ARHGAP26: variants seen among roughly 807,000 people sequenced by gnomAD.
ARHGAP26 encodes the protein rho GTPase-activating protein 26.
In ARHGAP26, 38 loss-of-function variants were observed where a neutral mutation model predicts 104.8. That is an observed-to-expected ratio of 0.36 (90% CI 0.28 to 0.48). The LOEUF is 0.48. ARHGAP26 is among the 20% of genes least tolerant of loss of function. The pLI, the probability that ARHGAP26 is intolerant of heterozygous loss-of-function variation, is 0.99. For synonymous variants in ARHGAP26, 341 were observed against 340.0 expected (o/e 1.00, Z -0.03); for missense variants, 704 against 947.9 (o/e 0.74, Z 3.38).
At chr5:142,819,430 CCTT>C (rs1171096433) in intron 1 of ARHGAP26, among the ~76,000 whole-genome samples, 1 of 152,142 alleles carries the variant, frequency 6.6e-6, no homozygotes, top group Non-Finnish European at 1.5e-5. Context: ...AATTTTCTGG[CCTT>C]CTGGCAGGAG....
chr5:143,097,648 G>A lies in ARHGAP26; in HGVS notation c.1539-23340G>A, dbSNP rs188474393. Among the ~76,000 whole-genome samples, 268 of 151,856 alleles carry A rather than the reference G, an allele frequency of 1.8e-3. 1 individual carries two copies. The highest frequency in any genetic ancestry group is 6.4e-3 in the African/African-American group (264 of 41,430). ...ACCCTGGCTAACACGGTGAAACCCC[G>A]TCTCTACTAAAAATACAAAAAAAAT... is the stretch of plus-strand genomic sequence containing the variant. On this transcript the variant is annotated intron_variant, in intron 17 of 22. Transcript: ENST00000645722.
intron 20 of ARHGAP26, among the ~76,000 whole-genome samples, chr5:143,172,524 G>GAATCTCT (rs1802923312): frequency 1.3e-5 from 2 of 152,176 alleles, no homozygotes; most frequent in Admixed American, 6.5e-5. Context: ...TTTGTCATGT[G>GAATCTCT]AATCTCTATA....
intron 20 of ARHGAP26, among the ~76,000 whole-genome samples, chr5:143,151,394 C>T (rs1256628158): frequency 6.6e-6 from 1 of 152,172 alleles, no homozygotes; most frequent in East Asian, 1.9e-4. Context: ...ATATTCTAAG[C>T]ATACAATCCA....
rs1463880108 is a variant in ARHGAP26, at chr5:142,777,809, A to T, written c.154+6894A>T. Among the ~76,000 whole-genome samples, 4 of 152,312 alleles carry T rather than the reference A, an allele frequency of 2.6e-5. No homozygotes were observed. In the East Asian group the frequency reaches 5.8e-4, roughly 22 times the overall value. ...TGTGACTGTAGCAGAGTGAAGGCGA[A>T]TGCACAAAGAGATAGGCCAGGGCAA... On this transcript the variant is annotated intron_variant, in intron 1 of 22. Coordinates refer to ENST00000645722, the MANE Select transcript of ARHGAP26 (RefSeq NM_001135608.3).
At chr5:143,218,476 T>C (rs1010511036) in intron 22 of ARHGAP26, among the ~76,000 whole-genome samples, 4 of 152,216 alleles carry the variant, frequency 2.6e-5, no homozygotes, top group African/African-American at 9.6e-5. Context: ...TGCACCTCTT[T>C]TAGTTAAGAC....
chr5:143,210,431 T>C (rs1033743655), intron 21 of ARHGAP26, among the ~76,000 whole-genome samples: 6 of 152,108 alleles, frequency 3.9e-5, no homozygotes, highest in African/African-American at 1.4e-4. Context: ...GAGATTCAGG[T>C]GGGGACACAG....
chr5:142,814,049 G>A (rs991985048), intron 1 of ARHGAP26, among the ~76,000 whole-genome samples: 3 of 152,238 alleles, frequency 2.0e-5, no homozygotes, highest in Admixed American at 2.0e-4. Context: ...CCTCAGGAGG[G>A]TTGGCCAGGC....
At chr5:143,112,200 G>A (rs1794863386) in intron 17 of ARHGAP26, among the ~76,000 whole-genome samples, 1 of 152,164 alleles carries the variant, frequency 6.6e-6, no homozygotes, top group African/African-American at 2.4e-5. Flanking sequence ...TTATAGTAAG[G>A]GACCTGACCT....
At chr5:142,820,499 C>T (rs1205455588) in intron 1 of ARHGAP26, among the ~76,000 whole-genome samples, 3 of 152,044 alleles carry the variant, frequency 2.0e-5, no homozygotes, top group Admixed American at 1.3e-4. Context: ...CATTGCCATC[C>T]TGGAGCTGAA....
At chr5:142,778,123 C>G (rs1475473838) in intron 1 of ARHGAP26, among the ~76,000 whole-genome samples, 1 of 152,186 alleles carries the variant, frequency 6.6e-6, no homozygotes, top group Admixed American at 6.5e-5. Flanking sequence ...ATTTGCTGCA[C>G]AGCATATGGG....
intron 17 of ARHGAP26, among the ~76,000 whole-genome samples, chr5:143,097,636 C>T (rs549063132): frequency 3.6e-4 from 55 of 151,628 alleles, no homozygotes; most frequent in Admixed American, 1.9e-3. Flanking sequence ...CTGGCTAACA[C>T]GGTGAAACCC....
intron 17 of ARHGAP26, among the ~76,000 whole-genome samples, chr5:143,074,927 G>T (rs992155694): frequency 1.3e-5 from 2 of 152,220 alleles, no homozygotes; most frequent in Non-Finnish European, 2.9e-5. Flanking sequence ...GGTAGCATGG[G>T]CCTGTCCACA....
At chr5:143,166,907 G>A (rs954565557) in intron 20 of ARHGAP26, among the ~76,000 whole-genome samples, 1 of 152,184 alleles carries the variant, frequency 6.6e-6, no homozygotes, top group Non-Finnish European at 1.5e-5. Context: ...ACCACAAAAG[G>A]TGGTTACATT....
intron 1 of ARHGAP26, among the ~76,000 whole-genome samples, chr5:142,794,161 A>G (rs938385440): frequency 6.6e-6 from 1 of 152,160 alleles, no homozygotes; most frequent in African/African-American, 2.4e-5. Flanking sequence ...CTTTTCCTTC[A>G]CATTGGTGGG....
intron 5 of ARHGAP26, among the ~76,000 whole-genome samples, chr5:142,891,522 T>C (rs1315444401): frequency 6.6e-6 from 1 of 151,996 alleles, no homozygotes; most frequent in East Asian, 1.9e-4. Flanking sequence ...CTAATGTCTG[T>C]TTTCTTTACT....
chr5:143,226,115 A>T lies in ARHGAP26; in HGVS notation c.*3669A>T, dbSNP rs1811638298. ...TAAGACCCAGGGATCACTTAGCCAT[A>T]GCCTGAATCTTTTAGGGGTATTAAG... On this transcript the variant is annotated 3_prime_UTR_variant, in exon 23 of 23. Transcript: ENST00000645722. 5.0e-6 allele frequency: 1 copy of T among 201,288 alleles called. No individual in the cohort carries two copies. The highest frequency in any genetic ancestry group is 7.6e-5 in the East Asian group (1 of 13,172). 12.5% of individuals were successfully genotyped at this position (201,288 alleles called of 1,614,324 possible). A position where few individuals can be genotyped will look rare whatever the true frequency, so the allele number is the denominator to read the frequency against.
chr5:142,862,101 TTC>T (rs1335867026), intron 1 of ARHGAP26, among the ~76,000 whole-genome samples: 1 of 152,218 alleles, frequency 6.6e-6, no homozygotes, highest in African/African-American at 2.4e-5. Flanking sequence ...GTTCCTTTTT[TTC>T]TTTTTGTTCT....
intron 11 of ARHGAP26, chr5:142,969,293 A>G (rs1771883880): frequency 6.6e-6 from 1 of 152,198 alleles, no homozygotes; most frequent in South Asian, 2.1e-4. Flanking sequence ...CTCCACTAGT[A>G]TAAAAAATGC....
intron 20 of ARHGAP26, among the ~76,000 whole-genome samples, chr5:143,159,198 C>T (rs1022360730): frequency 3.3e-5 from 5 of 152,140 alleles, no homozygotes; most frequent in South Asian, 4.1e-4. Context: ...ATGCCTTGGC[C>T]GTCTCCTTCC....
Sources: allele counts gnomAD v4.1 joint callset (sites outside exome capture counted in the v4.1 genomes callset), GRCh38; gene constraint gnomAD v4.1.1; transcripts MANE v1.5; gene names NCBI Gene and HGNC (gene_info 2026-07-23, HGNC 2026-07-21).